The following FOXO4 variants were observed in gnomAD, a reference collection of about 807,000 sequenced individuals.
The protein encoded by FOXO4 is forkhead box protein O4.
In FOXO4, 3 loss-of-function variants were observed where a neutral mutation model predicts 20.8. The observed-to-expected ratio is 0.14, with a 90% confidence interval of 0.07 to 0.37. The LOEUF (loss-of-function observed/expected upper bound fraction) is 0.37. Among genes scored for constraint, FOXO4 ranks in the 10% least tolerant of loss-of-function variants. FOXO4 has a pLI of 1.00. For missense variants in FOXO4, 309 were observed against 431.9 expected (o/e 0.72, Z 2.52); for synonymous variants, 158 against 180.0 (o/e 0.88, Z 0.98).
rs1389878161 is a variant in FOXO4 at position 71,096,520 on chromosome X, A to T, written c.-9A>T. 1 of 1,197,413 alleles carries T rather than the reference A, an allele frequency of 8.4e-7. No homozygotes were observed. Among genetic ancestry groups the T allele is most frequent in the Non-Finnish European group, 1.1e-6 (1 of 887,818 alleles). On this transcript the variant is annotated 5_prime_UTR_variant, in exon 1 of 3. Coordinates refer to ENST00000374259, the MANE Select transcript of FOXO4 (RefSeq NM_005938.4). Reference sequence around the variant, plus strand: ...CTGAACGCTGAGCCGGGGAGGTCCAACTCCACGTATGGATCCGGGGAATGA... The same window carrying T: ...CTGAACGCTGAGCCGGGGAGGTCCATCTCCACGTATGGATCCGGGGAATGA...
rs760792736 is a variant in FOXO4, at chrX:71,101,460, G to A, written c.1230G>A (p.Thr410=). The A allele has an allele frequency of 1.4e-5, 17 of 1,211,346 alleles. No individual in the cohort carries two copies. The South Asian group carries it at 2.3e-4, about 16-fold the overall frequency. The change falls in exon 2 of 3, where the codon ACG becomes ACA. Residue 410 remains threonine (T), a synonymous_variant. Transcript: ENST00000374259. ...TTCCTTCCTCCAGTAAGCTGGCCACGGGCGTCGGCCTGTGTCCCAAGCCCC... is the reference window on the plus strand; with the variant it reads ...TTCCTTCCTCCAGTAAGCTGGCCACAGGCGTCGGCCTGTGTCCCAAGCCCC... The part of the protein sequence containing the change: ...GGLPSSSKLA[T]GVGLCPKPLE...
intron 1 of FOXO4, among the ~76,000 whole-genome samples, chrX:71,098,657 C>T (rs1365894409): frequency 1.8e-5 from 2 of 112,287 alleles, no homozygotes; most frequent in African/African-American, 6.5e-5. Context: ...CTGTGTACCA[C>T]TTGCTAGTTC....
rs768990350 is a variant in FOXO4 at position 71,096,561 on chromosome X, G to T, written c.33G>T (p.Glu11Asp). The change falls in exon 1 of 3, where the codon GAG becomes GAT. Residue 11 changes from glutamate (E) to aspartate (D), a missense_variant. Coordinates refer to ENST00000374259, the MANE Select transcript of FOXO4 (RefSeq NM_005938.4). MDPGNENSATEAAAIIDLDPD... is the reference protein window; with the variant it reads MDPGNENSATDAAAIIDLDPD... ...CGGGGAATGAGAATTCAGCCACAGA[G>T]GCTGCCGCGATCATAGACCTAGATC... The T allele has an allele frequency of 2.5e-6, 3 of 1,209,437 alleles. No individual in the cohort carries two copies.
intron 1 of FOXO4, among the ~76,000 whole-genome samples, chrX:71,099,972 C>A (rs967832916): frequency 8.9e-5 from 10 of 112,311 alleles, no homozygotes; most frequent in African/African-American, 3.2e-4. Context: ...ACCTGCTGTG[C>A]TGAGATTCCA....
chrX:71,102,200 G>A lies in FOXO4; in HGVS notation c.*116G>A. 2.7e-6 allele frequency: 2 copies of A among 744,404 alleles called. No individual in the cohort carries two copies. Among genetic ancestry groups the A allele is most frequent in the Admixed American group, 2.6e-5 (1 of 37,833 alleles). 61.3% of individuals were successfully genotyped at this position (744,404 alleles called of 1,213,427 possible). A position where few individuals can be genotyped will look rare whatever the true frequency, so the allele number is the denominator to read the frequency against. ...GGGACCCTGCTTTAGAGCTAGGGTG[G>A]GGTCTGGTCACACACAGGTGTTGAA... On this transcript the variant is annotated 3_prime_UTR_variant, in exon 3 of 3. Coordinates refer to ENST00000374259, the MANE Select transcript of FOXO4 (RefSeq NM_005938.4).
At position 71,100,031 on chromosome X, in the gene FOXO4, C is replaced by T. The variant is rs978794345; in HGVS notation, c.454-653C>T. ...TGGCTCTGGGCAGGGCGGGTCCATCCTGGGCTGGTGCTGTACCACTGTCCC... is the reference window on the plus strand; with the variant it reads ...TGGCTCTGGGCAGGGCGGGTCCATCTTGGGCTGGTGCTGTACCACTGTCCC... On this transcript the variant is annotated intron_variant, in intron 1 of 2. Transcript: ENST00000374259. Among the ~76,000 whole-genome samples the T allele has an allele frequency of 1.1e-4, 12 of 112,115 alleles. No homozygotes were observed. The East Asian group carries it at 3.4e-3, about 31-fold the overall frequency.
chrX:71,097,074 C>A, intron 1 of FOXO4, 93 bp downstream of exon 1: 3 of 689,352 alleles, frequency 4.4e-6, no homozygotes, highest in Non-Finnish European at 6.5e-6. Flanking sequence ...CTTTTACTAC[C>A]TCCCACCCCC....
intron 1 of FOXO4, chrX:71,099,510 G>A (rs2092225449): frequency 8.9e-6 from 1 of 112,077 alleles, no homozygotes; most frequent in Admixed American, 9.5e-5. Context: ...TGTGCTGTGA[G>A]CTTGGTGCTC....
At position 71,100,992 on chromosome X, in the gene FOXO4, C is replaced by T; in HGVS notation, c.762C>T (p.Thr254=). ...ACCGTGAAGAAGCCGATATGTGGAC[C>T]ACCTTCCGTCCACGAAGCAGTTCAA... is the stretch of plus-strand genomic sequence containing the variant. ...SRNREEADMW[T]TFRPRSSSNA... The change falls in exon 2 of 3, where the codon ACC becomes ACT. Residue 254 remains threonine (T), a synonymous_variant. Transcript: ENST00000374259. 1.7e-6 allele frequency: 2 copies of T among 1,211,267 alleles called. No individual in the cohort carries two copies. Among genetic ancestry groups the T allele is most frequent in the Non-Finnish European group, 2.2e-6 (2 of 895,094 alleles).
Position 71,096,534 on chromosome X carries a change from T to A in FOXO4, c.6T>A (p.Asp2Glu). ...GGGGAGGTCCAACTCCACGTATGGA[T>A]CCGGGGAATGAGAATTCAGCCACAG... The part of the protein sequence containing the change: M[D>E]PGNENSATEA... The change falls in exon 1 of 3, where the codon GAT becomes GAA. Residue 2 changes from aspartate (D) to glutamate (E), a missense_variant. By Grantham distance (45) the Asp-to-Glu change is conservative. Around this residue, in one of 3 missense-constraint regions of FOXO4, gnomAD observed 81 missense variants for 94.2 expected, o/e 0.86. Transcript: ENST00000374259. 8.3e-7 allele frequency: 1 copy of A among 1,205,198 alleles called. No homozygotes were observed. The highest frequency in any genetic ancestry group is 3.0e-5 in the East Asian group (1 of 33,619).
chrX:71,103,334 G>T lies in FOXO4; in HGVS notation c.*1250G>T, dbSNP rs2092236867. On this transcript the variant is annotated 3_prime_UTR_variant, in exon 3 of 3. Transcript: ENST00000374259. ...TAGCACCTGCCAGGGAGGCCATCTG[G>T]GGCTCCTTCTCCACCCCAGCCCCCA... 1 of 162,082 alleles carries T rather than the reference G, an allele frequency of 6.2e-6. No individual in the cohort carries two copies. Among genetic ancestry groups the T allele is most frequent in the Admixed American group, 8.3e-5 (1 of 12,018 alleles). 13.4% of individuals were successfully genotyped at this position (162,082 alleles called of 1,213,427 possible).
chrX:71,096,678 G>A lies in FOXO4; in HGVS notation c.150G>A (p.Val50=), dbSNP rs745822383. 2 of 1,210,734 alleles carry A rather than the reference G, an allele frequency of 1.7e-6. No homozygotes were observed. Among genetic ancestry groups the A allele is most frequent in the Non-Finnish European group, 2.2e-6 (2 of 894,932 alleles). The stretch of plus-strand genomic sequence containing the variant: ...ACCAGCCGTCCGAGCCGCCCGAGGT[G>A]GAGCCAGATCTGGGGGAAAAGGTAC... ...IANQPSEPPE[V]EPDLGEKVHT... Residue 50 remains valine, a synonymous_variant, in exon 1 of 3, where the codon GTG becomes GTA. Coordinates refer to ENST00000374259, the MANE Select transcript of FOXO4 (RefSeq NM_005938.4).
At position 71,102,971 on chromosome X, in the gene FOXO4, C is replaced by T; in HGVS notation, c.*887C>T. ...CCTGGGAGTGTGTGGTGTTAGGGTG[C>T]AGCCACACTCTTCTATGACCCAGCA... On this transcript the variant is annotated 3_prime_UTR_variant, in exon 3 of 3. Coordinates refer to ENST00000374259, the MANE Select transcript of FOXO4 (RefSeq NM_005938.4). 5.7e-6 allele frequency: 1 copy of T among 175,197 alleles called. No individual in the cohort carries two copies. Among genetic ancestry groups the T allele is most frequent in the East Asian group, 8.2e-5 (1 of 12,265 alleles). 14.4% of individuals were successfully genotyped at this position (175,197 alleles called of 1,213,427 possible).
In FOXO4 at chrX:71,096,422, C is replaced by A. The variant is rs983458032; in HGVS notation, c.-107C>A. 2 of 704,808 alleles carry A rather than the reference C, an allele frequency of 2.8e-6. No individual in the cohort carries two copies. The highest frequency in any genetic ancestry group is 3.5e-5 in the East Asian group (1 of 28,368). 58.1% of individuals were successfully genotyped at this position (704,808 alleles called of 1,213,427 possible). On this transcript the variant is annotated 5_prime_UTR_variant, in exon 1 of 3. Coordinates refer to ENST00000374259, the MANE Select transcript of FOXO4 (RefSeq NM_005938.4). ...AAGTTCGCGACTTTCTGAAGACTGGCAGGAATGTGCCTCCTGGCCCTCGAT... is the reference window on the plus strand; with the variant it reads ...AAGTTCGCGACTTTCTGAAGACTGGAAGGAATGTGCCTCCTGGCCCTCGAT...
At chrX:71,097,254 G>T (rs1435969783) in intron 1 of FOXO4, among the ~76,000 whole-genome samples, 1 of 111,578 alleles carries the variant, frequency 9.0e-6, no homozygotes, top group Non-Finnish European at 1.9e-5. Context: ...CTCAATATTC[G>T]CAGCACTTTG....
Position 71,101,045 on chromosome X carries a change from C to G in FOXO4, c.815C>G (p.Ser272Cys). ...GCCAGCAGTGTCAGCACCCGGCTGT[C>G]CCCCTTGAGGCCAGAGTCTGAGGTG... ...SNASSVSTRL[S>C]PLRPESEVLA... The change falls in exon 2 of 3, where the codon TCC becomes TGC. Residue 272 changes from serine to cysteine, a missense_variant. Ser to Cys is a moderately radical substitution (Grantham distance 112, BLOSUM62 -1). This residue lies in a region of FOXO4 where 223 missense variants were observed against 302.7 expected (regional missense o/e 0.74). Transcript: ENST00000374259. 8.3e-7 allele frequency: 1 copy of G among 1,211,778 alleles called. No homozygotes were observed. Among genetic ancestry groups the G allele is most frequent in the Non-Finnish European group, 1.1e-6 (1 of 895,386 alleles).
intron 2 of FOXO4, 136 bp from the exon 3 acceptor site, chrX:71,101,941 C>A: frequency 2.6e-6 from 2 of 783,706 alleles, no homozygotes; most frequent in Non-Finnish European, 3.8e-6. Context: ...CCCAGCCCTG[C>A]AAGGTAGCAC....
In FOXO4 at chrX:71,100,755, C is replaced by T. The variant is rs748304150; in HGVS notation, c.525C>T (p.Ser175=). 2.5e-6 allele frequency: 3 copies of T among 1,210,926 alleles called. No individual in the cohort carries two copies. The highest frequency in any genetic ancestry group is 1.8e-5 in the South Asian group (1 of 56,885). ...IKVHNEATGK[S]SWWMLNPEGG... ...TTCACAACGAGGCCACCGGCAAAAG[C>T]TCTTGGTGGATGCTGAACCCTGAGG... The change falls in exon 2 of 3, where the codon AGC becomes AGT. Residue 175 remains serine, a synonymous_variant. Coordinates refer to ENST00000374259, the MANE Select transcript of FOXO4 (RefSeq NM_005938.4).
At position 71,102,538 on chromosome X, in the gene FOXO4, G is replaced by A. The variant is rs147716329; in HGVS notation, c.*454G>A. 656 of 195,347 alleles carry A rather than the reference G, an allele frequency of 3.4e-3. 1 individual carries two copies. Among genetic ancestry groups the A allele is most frequent in the Non-Finnish European group, 5.1e-3 (534 of 105,419 alleles). 16.1% of individuals were successfully genotyped at this position (195,347 alleles called of 1,213,427 possible). A position where few individuals can be genotyped will look rare whatever the true frequency, so the allele number is the denominator to read the frequency against. ...TGCAGTGGCCCCTTAGGCCAGTGAT[G>A]TGCGGTGGGTGGGCTGTTTAGGGGA... On this transcript the variant is annotated 3_prime_UTR_variant, in exon 3 of 3. Coordinates refer to ENST00000374259, the MANE Select transcript of FOXO4 (RefSeq NM_005938.4).
Sources: allele counts gnomAD v4.1 joint callset (sites outside exome capture counted in the v4.1 genomes callset), GRCh38; gene constraint gnomAD v4.1.1; regional missense constraint gnomAD v4.1.1; transcripts MANE v1.5; gene names NCBI Gene and HGNC (gene_info 2026-07-23, HGNC 2026-07-21).